Variants in CACNB4 observed in about 807,000 individuals in gnomAD.
The protein encoded by CACNB4 is voltage-dependent L-type calcium channel subunit beta-4.
CACNB4 carries 32 observed loss-of-function variants against 71.2 expected under a neutral mutation model. The observed-to-expected ratio is 0.45, with a 90% CI of 0.34 to 0.60. The LOEUF is 0.60. Ranked by LOEUF, CACNB4 falls within the 20% of genes least tolerant of loss-of-function variation. The pLI is 0.01. For missense variants in CACNB4, 464 were observed against 647.9 expected (o/e 0.72, Z 3.08); for synonymous variants, 231 against 236.9 (o/e 0.97, Z 0.23).
At chr2:151,927,302 G>C (rs1242160323) in intron 2 of CACNB4, among the ~76,000 whole-genome samples, 2 of 152,162 alleles carry the variant, frequency 1.3e-5, no homozygotes, top group Non-Finnish European at 2.9e-5. Context: ...CAATGCTCTT[G>C]AGCAGGCACA....
chr2:151,850,141 C>CTTTCTTTTTTT (rs1553744905), intron 12 of CACNB4: 3 of 98,162 alleles, frequency 3.1e-5, no homozygotes, highest in African/African-American at 9.7e-5. Context: ...TTCTTTCTTT[C>CTTTCTTTTTTT]TTTTTTTTTT....
intron 2 of CACNB4, among the ~76,000 whole-genome samples, chr2:152,021,365 A>T (rs991588619): frequency 7.9e-5 from 12 of 152,196 alleles, no homozygotes; most frequent in Non-Finnish European, 1.3e-4. Context: ...TTTCAAATTT[A>T]AAAAAATTAT....
chr2:152,067,351 T>G (rs547574579), intron 2 of CACNB4, among the ~76,000 whole-genome samples: 5 of 150,508 alleles, frequency 3.3e-5, no homozygotes, highest in Non-Finnish European at 5.9e-5. Flanking sequence ...AGTTTGATAA[T>G]GTATTCTTTT....
intron 2 of CACNB4, among the ~76,000 whole-genome samples, chr2:152,029,820 G>A (rs1370711085): frequency 6.6e-6 from 1 of 152,178 alleles, no homozygotes; most frequent in African/African-American, 2.4e-5. Flanking sequence ...TGAGAAGAAG[G>A]CACCATCCAT....
intron 4 of CACNB4, among the ~76,000 whole-genome samples, chr2:151,878,786 T>C (rs2099847130): frequency 6.6e-6 from 1 of 152,094 alleles, no homozygotes; most frequent in Non-Finnish European, 1.5e-5. Flanking sequence ...GCACCTGTAG[T>C]CCTAGCTACT....
In CACNB4 at chr2:151,837,480, G is replaced by A. The variant is rs1165066089; in HGVS notation, c.*1639C>T. 6.6e-6 allele frequency: 1 copy of A among 151,898 alleles called. No individual in the cohort carries two copies. Among genetic ancestry groups the A allele is most frequent in the Non-Finnish European group, 1.5e-5 (1 of 67,900 alleles). The allele number at this position is 151,898 out of a possible 1,614,324, so 9.4% of individuals were successfully genotyped here. On this transcript the variant is annotated 3_prime_UTR_variant, in exon 14 of 14. Coordinates refer to ENST00000539935, the MANE Select transcript of CACNB4 (RefSeq NM_000726.5). The stretch of plus-strand genomic sequence containing the variant: ...GCCTGAATACTGAAAGGCTTGGGGA[G>A]AAAAGAAGATACTATAAAATTAATT...
In CACNB4 at chr2:151,837,638, T is replaced by C. The variant is rs1056821772; in HGVS notation, c.*1481A>G. The C allele has an allele frequency of 6.6e-6, 1 of 151,998 alleles. No individual in the cohort carries two copies. Among genetic ancestry groups the C allele is most frequent in the Non-Finnish European group, 1.5e-5 (1 of 67,948 alleles). The allele number at this position is 151,998 out of a possible 1,614,324, so 9.4% of individuals were successfully genotyped here. ...ATAAGTTTTTTTTTTTAAAGACATT[T>C]GTGTAAAAAGGGTCAATTTCAATAA... is the stretch of plus-strand genomic sequence containing the variant. On this transcript the variant is annotated 3_prime_UTR_variant, in exon 14 of 14. Coordinates refer to ENST00000539935, the MANE Select transcript of CACNB4 (RefSeq NM_000726.5).
Position 151,832,803 on chromosome 2 carries a change from A to G in CACNB4, c.*6316T>C, listed in dbSNP as rs899501221. ...GTTTTTTTCATTTATTATATAAAAG[A>G]AAAAAAGTAATGCAGTTGTTTTGTA... On this transcript the variant is annotated 3_prime_UTR_variant, in exon 14 of 14. Transcript: ENST00000539935. 3.9e-5 allele frequency: 6 copies of G among 152,166 alleles called. No homozygotes were observed. The highest frequency in any genetic ancestry group is 1.4e-4 in the African/African-American group (6 of 41,462). 9.4% of individuals were successfully genotyped at this position (152,166 alleles called of 1,614,324 possible). A position where few individuals can be genotyped will look rare whatever the true frequency, so the allele number is the denominator to read the frequency against.
chr2:151,842,835 A>G (rs867898934), intron 12 of CACNB4, among the ~76,000 whole-genome samples: 1 of 152,218 alleles, frequency 6.6e-6, no homozygotes, highest in African/African-American at 2.4e-5. Flanking sequence ...GACCACATCA[A>G]TGGAATAAAC....
At chr2:151,919,295 A>G (rs2099858328) in intron 2 of CACNB4, among the ~76,000 whole-genome samples, 1 of 152,182 alleles carries the variant, frequency 6.6e-6, no homozygotes, top group Non-Finnish European at 1.5e-5. Flanking sequence ...ACTGTGGCAC[A>G]GTCATAGCTC....
intron 8 of CACNB4, chr2:151,870,272 T>G (rs569764422): frequency 1.4e-6 from 1 of 703,128 alleles, no homozygotes; most frequent in South Asian, 1.5e-5. Flanking sequence ...AGCAAATCTT[T>G]GACCAGATCT....
Position 151,906,580 on chromosome 2 carries a change from G to A in CACNB4, c.148-23210C>T, listed in dbSNP as rs184115228. Among the ~76,000 whole-genome samples the A allele has an allele frequency of 3.3e-5, 5 of 152,300 alleles. No individual in the cohort carries two copies. The East Asian group carries it at 9.6e-4, about 29-fold the overall frequency. ...AATGCCTGAGCCACTGTAACTGATG[G>A]AGAATAAAGGTGAGATGAAACTCTC... On this transcript the variant is annotated intron_variant, in intron 2 of 13. Transcript: ENST00000539935.
At chr2:151,928,880 C>T (rs2099860929) in intron 2 of CACNB4, among the ~76,000 whole-genome samples, 1 of 151,070 alleles carries the variant, frequency 6.6e-6, no homozygotes, top group South Asian at 2.1e-4. Context: ...CTACTGTGCT[C>T]CAGGCTGAGT....
chr2:151,889,664 A>C (rs1250420581), intron 2 of CACNB4, among the ~76,000 whole-genome samples: 3 of 152,102 alleles, frequency 2.0e-5, no homozygotes, highest in Non-Finnish European at 2.9e-5. Flanking sequence ...TAGATGAGTG[A>C]ATATAACTCA....
chr2:152,060,435 C>T (rs1293697288), intron 2 of CACNB4, among the ~76,000 whole-genome samples: 6 of 152,112 alleles, frequency 3.9e-5, no homozygotes, highest in Admixed American at 2.6e-4. Flanking sequence ...TTAAGCATAC[C>T]TCCTTTGAAT....
chr2:151,940,455 C>CA (rs945396408), intron 2 of CACNB4, among the ~76,000 whole-genome samples: 1 of 152,170 alleles, frequency 6.6e-6, no homozygotes, highest in Non-Finnish European at 1.5e-5. Context: ...ACTGCTTCTC[C>CA]AAAACAGTAT....
intron 2 of CACNB4, among the ~76,000 whole-genome samples, chr2:152,002,119 G>A (rs11686447): frequency 0.18 from 28,033 of 152,120 alleles, 2,740 homozygotes; most frequent in Middle Eastern, 0.4. Flanking sequence ...CAGCAATGCC[G>A]CACCTCCACG....
At chr2:151,848,794 C>T (rs2099838272) in intron 12 of CACNB4, among the ~76,000 whole-genome samples, 1 of 152,216 alleles carries the variant, frequency 6.6e-6, no homozygotes, top group Non-Finnish European at 1.5e-5. Context: ...TAAAGGATTA[C>T]ATTTCATTTA....
chr2:151,971,757 G>C (rs1443023903), intron 2 of CACNB4: 8 of 625,442 alleles, frequency 1.3e-5, no homozygotes, highest in Non-Finnish European at 2.0e-5. Context: ...TCACCCCTCC[G>C]AACATCTCTC....
Sources: gnomAD v4.1 joint callset for allele counts (sites outside exome capture counted in the v4.1 genomes callset) on GRCh38, gnomAD v4.1.1 for gene constraint, MANE v1.5 for transcripts, NCBI Gene and HGNC (gene_info 2026-07-23, HGNC 2026-07-21) for gene names.